Variants in IL7 observed in about 807,000 individuals in gnomAD.
IL7 encodes interleukin 7, also known as interleukin-7.
Under a neutral mutation model 21.6 loss-of-function variants are expected in IL7, and 3 were observed. The ratio of observed to expected loss-of-function variants is 0.14; its 90% CI spans 0.06 to 0.36. IL7 has a LOEUF of 0.36. IL7 is among the 10% of genes least tolerant of loss of function. IL7 has a pLI of 1.00. For missense variants in IL7, 175 were observed against 200.2 expected, an observed-to-expected ratio of 0.87 and a Z score of 0.76; for synonymous variants, 62 against 68.1, an observed-to-expected ratio of 0.91 and a Z score of 0.44.
At chr8:78,770,077 A>C (rs1812900300) in intron 2 of IL7, among the ~76,000 whole-genome samples, 1 of 152,216 alleles carries the variant, frequency 6.6e-6, no homozygotes, top group African/African-American at 2.4e-5. Context: ...AAAACCATAA[A>C]AACCCTAGAA....
chr8:78,792,418 A>G (rs368435984), intron 2 of IL7, among the ~76,000 whole-genome samples: 339 of 152,282 alleles, frequency 2.2e-3, no homozygotes, highest in Middle Eastern at 6.8e-3. Context: ...GGGCAACAAG[A>G]GTAAATGAAT....
intron 3 of IL7, among the ~76,000 whole-genome samples, chr8:78,704,987 G>C (rs1586021826): frequency 6.6e-6 from 1 of 152,152 alleles, no homozygotes; most frequent in African/African-American, 2.4e-5. Context: ...TATTTCATCT[G>C]TTTGCTCCTG....
At chr8:78,712,293 CTAAA>C (rs1810976341) in intron 3 of IL7, among the ~76,000 whole-genome samples, 1 of 151,988 alleles carries the variant, frequency 6.6e-6, no homozygotes, top group African/African-American at 2.4e-5. Flanking sequence ...TTCTGTTGTA[CTAAA>C]TAAAACTTTT....
At chr8:78,739,858 C>A in intron 3 of IL7, 144 bp downstream of exon 3, 4 of 641,614 alleles carry the variant, frequency 6.2e-6, no homozygotes, top group East Asian at 4.1e-5. Context: ...TAAAATTGGG[C>A]CATAGTATGA....
intron 3 of IL7, among the ~76,000 whole-genome samples, chr8:78,700,054 G>A (rs1436824439): frequency 1.3e-5 from 2 of 152,096 alleles, no homozygotes; most frequent in African/African-American, 2.4e-5. Context: ...GTCTTTCACA[G>A]TGGCTGAAGT....
rs185659504 is a variant in IL7 at position 78,756,263 on chromosome 8, C to G, written c.148-16181G>C. 1.5e-3 allele frequency among the ~76,000 whole-genome samples: 221 copies of G among 151,640 alleles called. 2 individuals carry two copies. Among genetic ancestry groups the G allele is most frequent in the African/African-American group, 5.0e-3 (209 of 41,478 alleles). ...TTTGTTGAGAAACTTTGCATATTGG[C>G]TTGTAGTTTTCTTTTTGGTTGTCTC... On this transcript the variant is annotated intron_variant, in intron 2 of 5. Coordinates refer to ENST00000263851, the MANE Select transcript of IL7 (RefSeq NM_000880.4).
intron 3 of IL7, among the ~76,000 whole-genome samples, chr8:78,708,272 G>A (rs1810840795): frequency 6.6e-6 from 1 of 152,156 alleles, no homozygotes; most frequent in South Asian, 2.1e-4. Flanking sequence ...AATCTTTATT[G>A]TAGTCCACTT....
intron 2 of IL7, among the ~76,000 whole-genome samples, chr8:78,772,611 C>T (rs1363741148): frequency 1.3e-5 from 2 of 151,976 alleles, no homozygotes; most frequent in Non-Finnish European, 2.9e-5. Flanking sequence ...AACTGTTGTA[C>T]AAAGAAACCA....
chr8:78,771,882 A>G (rs942283553), intron 2 of IL7, among the ~76,000 whole-genome samples: 1 of 152,112 alleles, frequency 6.6e-6, no homozygotes, highest in Admixed American at 6.6e-5. Context: ...TAGTTAGGGG[A>G]ATACAATCAT....
intron 3 of IL7, among the ~76,000 whole-genome samples, chr8:78,701,286 C>G (rs1223809629): frequency 6.6e-6 from 1 of 152,164 alleles, no homozygotes; most frequent in African/African-American, 2.4e-5. Context: ...TGATTTGGCT[C>G]TCTGCTTAGC....
chr8:78,780,543 G>A (rs1462073020), intron 2 of IL7, among the ~76,000 whole-genome samples: 1 of 152,124 alleles, frequency 6.6e-6, no homozygotes, highest in Non-Finnish European at 1.5e-5. Flanking sequence ...GTATGCTTTT[G>A]AGTGAGTTCC....
At chr8:78,755,837 A>G in intron 2 of IL7, among the ~76,000 whole-genome samples, 1 of 152,028 alleles carries the variant, frequency 6.6e-6, no homozygotes, top group East Asian at 1.9e-4. Context: ...CTCTTGCCTA[A>G]TTGCTCTGGC....
intron 2 of IL7, among the ~76,000 whole-genome samples, chr8:78,780,535 A>T (rs913519576): frequency 6.6e-6 from 1 of 152,026 alleles, no homozygotes; most frequent in Non-Finnish European, 1.5e-5. Flanking sequence ...ATGTAATTGT[A>T]TGCTTTTGAG....
chr8:78,699,790 G>A (rs1810541987), intron 3 of IL7, among the ~76,000 whole-genome samples: 1 of 152,068 alleles, frequency 6.6e-6, no homozygotes, highest in African/African-American at 2.4e-5. Flanking sequence ...CCCTCCTAAG[G>A]ACATGATCTA....
chr8:78,697,333 A>G, intron 3 of IL7: 1 of 1,206,036 alleles, frequency 8.3e-7, no homozygotes, highest in Non-Finnish European at 1.2e-6. Context: ...AAAGAATGTT[A>G]AGTTTTGAAC....
intron 3 of IL7, among the ~76,000 whole-genome samples, chr8:78,704,445 AG>A (rs985850119): frequency 2.5e-4 from 37 of 150,148 alleles, no homozygotes; most frequent in African/African-American, 9.0e-4. Flanking sequence ...TCTGGCTTGT[AG>A]GGTTTCCACT....
Position 78,798,108 on chromosome 8 carries a change from A to C in IL7, c.111T>G (p.Tyr37Ter). The stretch of plus-strand genomic sequence containing the variant: ...CGATGCTGACCATTAGAACACTCTC[A>C]TATTGTTTGCCATCTTTACCTTCAA... The part of the protein sequence containing the change: ...CDIEGKDGKQ[Y>*]ESVLMVSIDQ... Residue 37 changes from tyrosine (Y) to a stop codon, truncating the protein, a stop_gained, in exon 2 of 6, where the codon TAT (tyrosine) becomes TAG (stop). Coordinates refer to ENST00000263851, the MANE Select transcript of IL7 (RefSeq NM_000880.4). LOFTEE classifies it high-confidence loss of function. The C allele has an allele frequency of 1.2e-6, 2 of 1,612,218 alleles. No individual in the cohort carries two copies. Among genetic ancestry groups the C allele is most frequent in the Non-Finnish European group, 1.7e-6 (2 of 1,178,630 alleles).
At chr8:78,682,093 G>A (rs758711426) in intron 4 of IL7, among the ~76,000 whole-genome samples, 6 of 151,406 alleles carry the variant, frequency 4.0e-5, no homozygotes, top group Admixed American at 6.6e-5. Context: ...CATAATTCTT[G>A]ATTTTAAAAA....
chr8:78,734,439 T>C (rs914549025), intron 5 of IL7, among the ~76,000 whole-genome samples: 2 of 152,206 alleles, frequency 1.3e-5, no homozygotes, highest in African/African-American at 4.8e-5. Flanking sequence ...GACTCAGTTA[T>C]ATTTCTCTGA....
Sources: allele counts gnomAD v4.1 joint callset (sites outside exome capture counted in the v4.1 genomes callset), GRCh38; gene constraint gnomAD v4.1.1; transcripts MANE v1.5; gene names NCBI Gene and HGNC (gene_info 2026-07-23, HGNC 2026-07-21).